The following CCNY variants were observed in gnomAD, a reference collection of about 807,000 sequenced individuals.
The protein encoded by CCNY is cyclin Y.
CCNY carries 19 observed loss-of-function variants against 42.8 expected under a neutral mutation model. The ratio of observed to expected loss-of-function variants is 0.44; its 90% confidence interval spans 0.31 to 0.65. CCNY has a LOEUF of 0.65. Ranked by LOEUF, CCNY falls within the 30% of genes least tolerant of loss-of-function variation. The pLI, the probability that CCNY is intolerant of heterozygous loss-of-function variation, is 0.07. For synonymous variants in CCNY, 165 were observed against 162.7 expected (o/e 1.01, Z -0.11); for missense variants, 370 against 437.3 (o/e 0.85, Z 1.37).
chr10:35,414,165 G>A (rs942027705), intron 1 of CCNY, among the ~76,000 whole-genome samples: 2 of 152,206 alleles, frequency 1.3e-5, no homozygotes, highest in Admixed American at 6.5e-5. Context: ...TTTCTGTGGG[G>A]CATGAGTCGG....
At chr10:35,560,616 A>G (rs1375935795) in intron 8 of CCNY, among the ~76,000 whole-genome samples, 2 of 152,186 alleles carry the variant, frequency 1.3e-5, no homozygotes, top group Non-Finnish European at 2.9e-5. Flanking sequence ...CATTTTCATT[A>G]CAGCAGCTCT....
At chr10:35,438,499 G>A (rs1033512936) in intron 1 of CCNY, among the ~76,000 whole-genome samples, 1 of 152,056 alleles carries the variant, frequency 6.6e-6, no homozygotes, top group Non-Finnish European at 1.5e-5. Flanking sequence ...TTGTATGGCT[G>A]TATCATTGTT....
At chr10:35,400,681 A>T (rs1837624207) in intron 1 of CCNY, among the ~76,000 whole-genome samples, 1 of 152,202 alleles carries the variant, frequency 6.6e-6, no homozygotes, top group African/African-American at 2.4e-5. Flanking sequence ...ATATGTACTT[A>T]AACAGTATTT....
chr10:35,342,682 A>G (rs866622280), intron 1 of CCNY, among the ~76,000 whole-genome samples: 8 of 152,308 alleles, frequency 5.3e-5, no homozygotes, highest in Middle Eastern at 3.4e-3. Context: ...CAACCGTGCT[A>G]ATTACTTGAC....
At chr10:35,466,285 G>A (rs1839268174) in intron 1 of CCNY, among the ~76,000 whole-genome samples, 1 of 152,106 alleles carries the variant, frequency 6.6e-6, no homozygotes, top group African/African-American at 2.4e-5. Context: ...GACACTTGAG[G>A]TGAGAGCCAG....
At chr10:35,422,883 T>A (rs896918602) in intron 1 of CCNY, among the ~76,000 whole-genome samples, 1 of 152,250 alleles carries the variant, frequency 6.6e-6, no homozygotes, top group Non-Finnish European at 1.5e-5. Context: ...AAGGCCTTTA[T>A]AAAATTTTTC....
At chr10:35,514,313 G>A (rs1278483355) in intron 3 of CCNY, among the ~76,000 whole-genome samples, 2 of 152,172 alleles carry the variant, frequency 1.3e-5, no homozygotes, top group Non-Finnish European at 2.9e-5. Flanking sequence ...TCTTTATTCA[G>A]TTTCGAAGTT....
intron 1 of CCNY, among the ~76,000 whole-genome samples, chr10:35,437,467 A>G (rs1838563059): frequency 6.6e-6 from 1 of 152,172 alleles, no homozygotes; most frequent in Non-Finnish European, 1.5e-5. Context: ...TCAGCTGGGT[A>G]ACATGGCAAA....
intron 8 of CCNY, among the ~76,000 whole-genome samples, chr10:35,563,875 A>AT (rs527639128): frequency 0.027 from 3,164 of 118,492 alleles, 111 homozygotes; most frequent in African/African-American, 0.084. Flanking sequence ...TGCCTGACTA[A>AT]TTTTTTTTTT....
At chr10:35,288,973 T>C (rs1835383180) in intron 3 of CCNY, among the ~76,000 whole-genome samples, 2 of 152,204 alleles carry the variant, frequency 1.3e-5, no homozygotes. Context: ...AGAAATTCCA[T>C]TTCAAAAATC....
intron 3 of CCNY, among the ~76,000 whole-genome samples, chr10:35,284,790 C>T (rs1835335391): frequency 6.6e-6 from 1 of 152,028 alleles, no homozygotes; most frequent in South Asian, 2.1e-4. Context: ...CAAGGGCATC[C>T]CACAAATTTT....
intron 7 of CCNY, among the ~76,000 whole-genome samples, chr10:35,550,381 G>A (rs4934757): frequency 0.29 from 43,871 of 152,014 alleles, 6,628 homozygotes; most frequent in Admixed American, 0.35. Flanking sequence ...TCATGACCCT[G>A]TGCTGCTTGC....
chr10:35,510,986 G>A (rs1209526332), intron 3 of CCNY, among the ~76,000 whole-genome samples: 1 of 152,180 alleles, frequency 6.6e-6, no homozygotes, highest in Non-Finnish European at 1.5e-5. Flanking sequence ...GGAGTGTCTC[G>A]TCCACATGAA....
intron 1 of CCNY, among the ~76,000 whole-genome samples, chr10:35,376,584 TTTGTA>T (rs1038241900): frequency 7.9e-5 from 12 of 152,202 alleles, no homozygotes; most frequent in Admixed American, 3.3e-4. Flanking sequence ...ATTTTGGATT[TTTGTA>T]TTAGGGATGG....
At chr10:35,475,475 G>A (rs890046106) in intron 1 of CCNY, among the ~76,000 whole-genome samples, 1 of 151,914 alleles carries the variant, frequency 6.6e-6, no homozygotes, top group Non-Finnish European at 1.5e-5. Context: ...GAGAGTGGGG[G>A]CCAATATTCA....
At chr10:35,553,639 A>G (rs1193892493) in intron 8 of CCNY, among the ~76,000 whole-genome samples, 1 of 152,168 alleles carries the variant, frequency 6.6e-6, no homozygotes, top group African/African-American at 2.4e-5. Flanking sequence ...TTCACAGAGA[A>G]AACATCCACT....
intron 1 of CCNY, among the ~76,000 whole-genome samples, chr10:35,446,261 A>G (rs973465224): frequency 5.3e-5 from 8 of 152,232 alleles, no homozygotes; most frequent in Non-Finnish European, 7.3e-5. Context: ...CCACAGTACA[A>G]TACTTTATCA....
chr10:35,524,913 G>A (rs1840621738), intron 4 of CCNY, among the ~76,000 whole-genome samples: 1 of 152,196 alleles, frequency 6.6e-6, no homozygotes, highest in African/African-American at 2.4e-5. Context: ...CCGCAAAGAT[G>A]TTTGGCAATA....
At chr10:35,464,392 T>A (rs562769238) in intron 1 of CCNY, among the ~76,000 whole-genome samples, 3 of 152,222 alleles carry the variant, frequency 2.0e-5, no homozygotes, top group Admixed American at 1.3e-4. Context: ...CTTGGGCTCA[T>A]TTTTTTCACC....
Sources: allele counts gnomAD v4.1 joint callset (sites outside exome capture counted in the v4.1 genomes callset), GRCh38; gene constraint gnomAD v4.1.1; transcripts MANE v1.5; gene names NCBI Gene and HGNC (gene_info 2026-07-23, HGNC 2026-07-21).